The following ZNF140 variants were observed in gnomAD, a reference collection of about 807,000 sequenced individuals.
The protein encoded by ZNF140 is zinc finger protein 140.
Under a neutral mutation model 12.9 loss-of-function variants are expected in ZNF140, and 13 were observed. The ratio of observed to expected loss-of-function variants is 1.01; its 90% CI spans 0.66 to 1.60. The LOEUF is 1.60. ZNF140 is among the 40% of genes most tolerant of loss of function. The pLI is 0.00. For missense variants in ZNF140, 531 were observed against 548.8 expected, an observed-to-expected ratio of 0.97 and a Z score of 0.32; for synonymous variants, 214 against 186.7, an observed-to-expected ratio of 1.15 and a Z score of -1.19.
Position 133,083,617 on chromosome 12 carries a change from GA to G in ZNF140, c.232+61del. ...TTTTAAAACCACTCAATTAGTCAAT[GA>G]AAAAGGAATACTTTTTAATATGTTG... On this transcript the variant is annotated intron_variant, in intron 4 of 4. Transcript: ENST00000355557. 2.7e-6 allele frequency: 4 copies of G among 1,497,528 alleles called. No homozygotes were observed. The South Asian group carries it at 4.7e-5, about 18-fold the overall frequency. The allele number at this position is 1,497,528 out of a possible 1,614,324, so 92.8% of individuals were successfully genotyped here.
At chr12:133,095,699 G>GTGA (rs1488580581) in intron 4 of ZNF140, among the ~76,000 whole-genome samples, 2 of 151,914 alleles carry the variant, frequency 1.3e-5, no homozygotes, top group East Asian at 1.9e-4. Flanking sequence ...GGAGAGCAGG[G>GTGA]TGATAATAAG....
chr12:133,098,364 G>C (rs1251740678), intron 4 of ZNF140, among the ~76,000 whole-genome samples: 1 of 151,728 alleles, frequency 6.6e-6, no homozygotes, highest in African/African-American at 2.4e-5. Context: ...AACCTCCATA[G>C]TAGCTGGGAT....
Position 133,081,348 on chromosome 12 carries a change from A to AATATATATAGAT in ZNF140, c.9+28_9+29insGATATATATATA. 3.2e-6 allele frequency: 1 copy of AATATATATAGAT among 317,000 alleles called. No homozygotes were observed. Among genetic ancestry groups the AATATATATAGAT allele is most frequent in the Non-Finnish European group, 5.8e-6 (1 of 171,710 alleles). The allele number at this position is 317,000 out of a possible 1,614,324, so 19.6% of individuals were successfully genotyped here. A position where few individuals can be genotyped will look rare whatever the true frequency, so the allele number is the denominator to read the frequency against. On this transcript the variant is annotated intron_variant, in intron 2 of 4. Coordinates refer to ENST00000355557, the MANE Select transcript of ZNF140 (RefSeq NM_003440.4). ...GTCTCAGGTAAGCTAATGATTGATAAATATATATATATATATATATATAAA... is the reference window on the plus strand; with the variant it reads ...GTCTCAGGTAAGCTAATGATTGATAAATATATATAGATATATATATATATATATATATATAAA...
In ZNF140 at chr12:133,081,257, T is replaced by C; in HGVS notation, c.-48-16T>C. On this transcript the variant is annotated splice_polypyrimidine_tract_variant and intron_variant, in intron 1 of 4. Transcript: ENST00000355557. Reference sequence around the variant, plus strand: ...AGCTGGCCTGTTCGCTCAGGGCTCCTTTCTCTCTCTGCCAGGTCTGCCATT... The same window carrying C: ...AGCTGGCCTGTTCGCTCAGGGCTCCCTTCTCTCTCTGCCAGGTCTGCCATT... 6.7e-7 allele frequency: 1 copy of C among 1,492,928 alleles called. No homozygotes were observed. The highest frequency in any genetic ancestry group is 9.1e-7 in the Non-Finnish European group (1 of 1,093,610). The allele number at this position is 1,492,928 out of a possible 1,614,324, so 92.5% of individuals were successfully genotyped here.
In ZNF140 at chr12:133,106,650, G is replaced by T; in HGVS notation, c.1373G>T (p.Ter458LeuextTer39). ...CACTCATTCCTTACTGAACACCAGTGAATTTACACTGCAAAGAAAAACTAT... is the reference window on the plus strand; with the variant it reads ...CACTCATTCCTTACTGAACACCAGTTAATTTACACTGCAAAGAAAAACTAT... ...NYHSFLTEHQ[*>L] The change falls in exon 5 of 5, where the codon TGA becomes TTA. Residue 458 changes from the stop codon to leucine, a stop_lost. Coordinates refer to ENST00000355557, the MANE Select transcript of ZNF140 (RefSeq NM_003440.4). 1 of 1,563,434 alleles carries T rather than the reference G, an allele frequency of 6.4e-7. No individual in the cohort carries two copies. The highest frequency in any genetic ancestry group is 1.2e-5 in the South Asian group (1 of 83,138).
chr12:133,090,962 T>C (rs1237579965), intron 4 of ZNF140, among the ~76,000 whole-genome samples: 1 of 147,152 alleles, frequency 6.8e-6, no homozygotes. Flanking sequence ...TAGGGCGGTT[T>C]TGCTACTATC....
intron 4 of ZNF140, among the ~76,000 whole-genome samples, chr12:133,104,496 T>G (rs749854008): frequency 6.6e-6 from 1 of 151,806 alleles, no homozygotes; most frequent in Non-Finnish European, 1.5e-5. Context: ...GGACTACAGG[T>G]GCATGCCATC....
Position 133,090,880 on chromosome 12 carries a change from T to C in ZNF140, c.232+7319T>C, listed in dbSNP as rs1053561359. 4.2e-4 allele frequency among the ~76,000 whole-genome samples: 57 copies of C among 136,564 alleles called. 1 individual carries two copies. Among genetic ancestry groups the C allele is most frequent in the Admixed American group, 8.2e-4 (11 of 13,480 alleles). 89.6% of individuals were successfully genotyped at this position (136,564 alleles called of 152,430 possible). Reference sequence around the variant, plus strand: ...CATGTAATCCAGATTTATGTTTCTCTCCACCCAAACATCTCAGCGGAGTAA... The same window carrying C: ...CATGTAATCCAGATTTATGTTTCTCCCCACCCAAACATCTCAGCGGAGTAA... On this transcript the variant is annotated intron_variant, in intron 4 of 4. Coordinates refer to ENST00000355557, the MANE Select transcript of ZNF140 (RefSeq NM_003440.4).
In ZNF140 at chr12:133,105,600, TAA is replaced by T. The variant is rs1955563293; in HGVS notation, c.324_325del (p.Gln110ArgfsTer8). On this transcript the variant is annotated frameshift_variant, in exon 5 of 5. Coordinates refer to ENST00000355557, the MANE Select transcript of ZNF140 (RefSeq NM_003440.4). LOFTEE classifies it low-confidence loss of function (END_TRUNC). ...CAGTATTTGATCATGGAAAGAATTC[TAA>T]GTCAAGGCCCTGTGTATTCCAGTTT... 1 of 1,614,060 alleles carries T rather than the reference TAA, an allele frequency of 6.2e-7. No individual in the cohort carries two copies. Among genetic ancestry groups the T allele is most frequent in the Non-Finnish European group, 8.5e-7 (1 of 1,180,034 alleles).
intron 4 of ZNF140, among the ~76,000 whole-genome samples, chr12:133,089,594 C>A (rs1480163479): frequency 6.6e-6 from 1 of 152,172 alleles, no homozygotes. Flanking sequence ...GTATGTCTTT[C>A]AAGGAATTGG....
At chr12:133,092,040 G>T (rs1954909373) in intron 4 of ZNF140, among the ~76,000 whole-genome samples, 1 of 151,066 alleles carries the variant, frequency 6.6e-6, no homozygotes, top group African/African-American at 2.5e-5. Context: ...GCTAATTTTT[G>T]ATCTATTTGA....
intron 4 of ZNF140, among the ~76,000 whole-genome samples, chr12:133,104,433 C>G (rs1457998620): frequency 1.3e-5 from 2 of 151,226 alleles, no homozygotes; most frequent in South Asian, 2.1e-4. Context: ...TTCACCGCAA[C>G]CTCTGCCTCC....
At chr12:133,104,630 C>T (rs1285294927) in intron 4 of ZNF140, among the ~76,000 whole-genome samples, 2 of 152,228 alleles carry the variant, frequency 1.3e-5, no homozygotes, top group Non-Finnish European at 2.9e-5. Context: ...AGATTACAGG[C>T]GTGAGCCACT....
intron 4 of ZNF140, among the ~76,000 whole-genome samples, chr12:133,100,739 G>A (rs1341038155): frequency 6.6e-6 from 1 of 151,978 alleles, no homozygotes; most frequent in Non-Finnish European, 1.5e-5. Context: ...TTGTGCTTTG[G>A]GGCCATGATT....
Position 133,105,515 on chromosome 12 carries a change from G to C in ZNF140, c.238G>C (p.Glu80Gln), listed in dbSNP as rs1158131120. 4 of 1,583,222 alleles carry C rather than the reference G, an allele frequency of 2.5e-6. No homozygotes were observed. Among genetic ancestry groups the C allele is most frequent in the Non-Finnish European group, 2.6e-6 (3 of 1,167,676 alleles). ...EVKRDLFSVS[E>Q]SSGEIKDFSP... ...TTTTTTTTGGTATCTTTCAGTTTCA[G>C]AGTCAAGTGGTGAGATCAAAGACTT... Residue 80 changes from glutamate (E) to glutamine (Q), a missense_variant, in exon 5 of 5, where the codon GAG becomes CAG. By Grantham distance (29) the Glu-to-Gln change is conservative. Coordinates refer to ENST00000355557, the MANE Select transcript of ZNF140 (RefSeq NM_003440.4).
At position 133,081,039 on chromosome 12, in the gene ZNF140, C is replaced by A. The variant is rs1481159379; in HGVS notation, c.-82C>A. On this transcript the variant is annotated 5_prime_UTR_variant, in exon 1 of 5. Transcript: ENST00000355557. ...CGCTACGCCCACCTGGCGGAAAGCA[C>A]CACGGAAACGCATCCTTCTGTGGCC... 1 of 203,380 alleles carries A rather than the reference C, an allele frequency of 4.9e-6. No homozygotes were observed. The highest frequency in any genetic ancestry group is 2.3e-5 in the African/African-American group (1 of 42,584). 12.6% of individuals were successfully genotyped at this position (203,380 alleles called of 1,614,324 possible).
intron 2 of ZNF140, 25 bp from the exon 3 acceptor site, chr12:133,083,078 T>C: frequency 1.2e-6 from 2 of 1,614,170 alleles, no homozygotes; most frequent in Non-Finnish European, 1.7e-6. Flanking sequence ...GTGCTGGTCA[T>C]GCAAATATCT....
At chr12:133,097,984 C>G (rs1955198060) in intron 4 of ZNF140, among the ~76,000 whole-genome samples, 1 of 152,064 alleles carries the variant, frequency 6.6e-6, no homozygotes, top group African/African-American at 2.4e-5. Flanking sequence ...CAGGTGCCCA[C>G]CACCACACCT....
At chr12:133,081,725 T>TA in intron 2 of ZNF140, 2 of 348,754 alleles carry the variant, frequency 5.7e-6, no homozygotes, top group Admixed American at 3.7e-5. Flanking sequence ...TGCCAGCTGT[T>TA]ACATCGCCTC....
Sources: allele counts gnomAD v4.1 joint callset (sites outside exome capture counted in the v4.1 genomes callset), GRCh38; gene constraint gnomAD v4.1.1; transcripts MANE v1.5; gene names NCBI Gene and HGNC (gene_info 2026-07-23, HGNC 2026-07-21).